Variants in GRM8 observed in about 807,000 individuals in gnomAD.
The protein encoded by GRM8 is glutamate metabotropic receptor 8, also known as metabotropic glutamate receptor 8.
Under a neutral mutation model 87.2 loss-of-function variants are expected in GRM8, and 47 were observed. The observed-to-expected ratio is 0.54, with a 90% CI of 0.43 to 0.69. GRM8 has a LOEUF of 0.69. Ranked by LOEUF, GRM8 falls within the 30% of genes least tolerant of loss-of-function variation. The pLI is 0.00. For missense variants in GRM8, 1,019 were observed against 1,139.2 expected (o/e 0.89, Z 1.52); for synonymous variants, 396 against 404.5 (o/e 0.98, Z 0.25).
At chr7:126,568,393 G>A (rs61758830) in intron 8 of GRM8, among the ~76,000 whole-genome samples, 2,307 of 152,078 alleles carry the variant, frequency 0.015, 44 homozygotes, top group African/African-American at 0.041. Flanking sequence ...CAGGTAATTC[G>A]GAACTGATGT....
intron 9 of GRM8, among the ~76,000 whole-genome samples, chr7:126,521,585 T>C (rs1215006874): frequency 6.6e-6 from 1 of 152,044 alleles, no homozygotes; most frequent in Non-Finnish European, 1.5e-5. Context: ...AACAACAGAA[T>C]AATTGAAAAT....
At chr7:127,030,394 G>C (rs958746737) in intron 3 of GRM8, among the ~76,000 whole-genome samples, 7 of 152,180 alleles carry the variant, frequency 4.6e-5, no homozygotes, top group African/African-American at 1.4e-4. Context: ...TACTTCAAGA[G>C]AGCTATTCCA....
chr7:127,117,596 A>C (rs938557265), intron 2 of GRM8, among the ~76,000 whole-genome samples: 2 of 152,250 alleles, frequency 1.3e-5, no homozygotes, highest in African/African-American at 2.4e-5. Flanking sequence ...ATTTTCTTAC[A>C]TGAGTACAAA....
intron 2 of GRM8, among the ~76,000 whole-genome samples, chr7:127,190,002 C>T (rs913591974): frequency 5.3e-5 from 8 of 152,220 alleles, no homozygotes; most frequent in Non-Finnish European, 1.0e-4. Context: ...TTGTTTATGC[C>T]TGGGCCAGCT....
At chr7:126,493,907 GT>G (rs1044398995) in intron 9 of GRM8, among the ~76,000 whole-genome samples, 1 of 151,960 alleles carries the variant, frequency 6.6e-6, no homozygotes, top group African/African-American at 2.4e-5. Flanking sequence ...CCAAGTTTAT[GT>G]TTTTGGGATC....
chr7:126,733,978 T>A (rs1813904563), intron 7 of GRM8, among the ~76,000 whole-genome samples: 1 of 152,076 alleles, frequency 6.6e-6, no homozygotes. Flanking sequence ...ATAAAAGTGC[T>A]ACTTAAAAAT....
chr7:126,785,670 T>A (rs868405941), intron 6 of GRM8, among the ~76,000 whole-genome samples: 1 of 151,946 alleles, frequency 6.6e-6, no homozygotes, highest in African/African-American at 2.4e-5. Flanking sequence ...GCCACCTAAA[T>A]GGCAGATGAA....
At chr7:127,211,570 C>T (rs1427560709) in intron 2 of GRM8, among the ~76,000 whole-genome samples, 2 of 152,226 alleles carry the variant, frequency 1.3e-5, no homozygotes, top group Admixed American at 1.3e-4. Context: ...CAAGTTGACA[C>T]TCAGTATTAA....
At chr7:127,113,474 GT>G (rs3216296) in intron 2 of GRM8, among the ~76,000 whole-genome samples, 37,231 of 150,850 alleles carry the variant, frequency 0.25, 5,416 homozygotes, top group Non-Finnish European at 0.34. Context: ...GTTTTTTTTT[GT>G]TTTTTTCCCC....
At chr7:127,183,278 C>T (rs780104370) in intron 2 of GRM8, among the ~76,000 whole-genome samples, 56 of 151,658 alleles carry the variant, frequency 3.7e-4, no homozygotes, top group Admixed American at 5.9e-4. Flanking sequence ...GGAATACTAA[C>T]CAAGATAGAA....
chr7:126,654,764 C>G (rs1460303180), intron 7 of GRM8, among the ~76,000 whole-genome samples: 2 of 152,098 alleles, frequency 1.3e-5, no homozygotes, highest in East Asian at 3.9e-4. Context: ...GTTTAACAGT[C>G]TTAAAACCAG....
chr7:126,645,480 C>T (rs1554436367), intron 7 of GRM8, among the ~76,000 whole-genome samples: 1 of 152,248 alleles, frequency 6.6e-6, no homozygotes, highest in East Asian at 1.9e-4. Context: ...TTCCCTAGCC[C>T]CCTGCCCACC....
intron 7 of GRM8, among the ~76,000 whole-genome samples, chr7:126,646,438 C>T (rs1803101341): frequency 6.6e-6 from 1 of 152,204 alleles, no homozygotes; most frequent in African/African-American, 2.4e-5. Context: ...ACTATCTCCA[C>T]TCACTAACCC....
chr7:126,793,010 C>T (rs754857746), intron 6 of GRM8, among the ~76,000 whole-genome samples: 3 of 152,178 alleles, frequency 2.0e-5, no homozygotes, highest in African/African-American at 4.8e-5. Flanking sequence ...CTGCAGAACA[C>T]TCTTTTATGT....
chr7:126,545,714 T>C (rs1019356161), intron 8 of GRM8, among the ~76,000 whole-genome samples: 6 of 152,190 alleles, frequency 3.9e-5, no homozygotes, highest in Non-Finnish European at 4.4e-5. Flanking sequence ...AATAACTAAA[T>C]CTAATTAAAT....
chr7:126,636,434 A>G (rs1225350998), intron 7 of GRM8, among the ~76,000 whole-genome samples: 2 of 152,076 alleles, frequency 1.3e-5, no homozygotes, highest in Admixed American at 1.3e-4. Context: ...ACTTATACCT[A>G]ATACAAGGTA....
At chr7:126,616,122 G>C (rs1048392931) in intron 7 of GRM8, among the ~76,000 whole-genome samples, 1 of 152,118 alleles carries the variant, frequency 6.6e-6, no homozygotes, top group Non-Finnish European at 1.5e-5. Context: ...CACATACTTG[G>C]AAGTAAAGCA....
At chr7:127,060,291 G>A (rs1328657960) in intron 3 of GRM8, among the ~76,000 whole-genome samples, 1 of 151,818 alleles carries the variant, frequency 6.6e-6, no homozygotes, top group African/African-American at 2.4e-5. Context: ...TTTAATGTAT[G>A]GCCAAATAAA....
chr7:126,979,776 C>A (rs1046969632), intron 3 of GRM8, among the ~76,000 whole-genome samples: 1 of 152,220 alleles, frequency 6.6e-6, no homozygotes, highest in Non-Finnish European at 1.5e-5. Flanking sequence ...GCTCCTATCC[C>A]TTGGGCTAAG....
Sources: allele counts gnomAD v4.1 joint callset (sites outside exome capture counted in the v4.1 genomes callset), GRCh38; gene constraint gnomAD v4.1.1; transcripts MANE v1.5; gene names NCBI Gene and HGNC (gene_info 2026-07-23, HGNC 2026-07-21).